Variants in SPSB4 observed in about 807,000 individuals in gnomAD.
SPSB4 encodes SPRY domain-containing SOCS box protein 4.
In SPSB4, 21 loss-of-function variants were observed where a neutral mutation model predicts 20.9. That is an observed-to-expected ratio of 1.01 (90% CI 0.71 to 1.45). The LOEUF is 1.45. SPSB4 is among the 40% of genes most tolerant of loss of function. The pLI, the probability that SPSB4 is intolerant of heterozygous loss-of-function variation, is 0.00. For synonymous variants in SPSB4, 207 were observed against 183.8 expected (o/e 1.13, Z -1.02); for missense variants, 399 against 399.2 (o/e 1.00, Z 0.00).
intron 2 of SPSB4, among the ~76,000 whole-genome samples, chr3:141,094,366 C>T (rs183090752): frequency 8.6e-4 from 131 of 152,328 alleles, no homozygotes; most frequent in African/African-American, 3.1e-3. Context: ...CAGATTTGCA[C>T]TGGCTGCCAT....
chr3:141,104,517 T>G (rs546215308), intron 2 of SPSB4, among the ~76,000 whole-genome samples: 1 of 152,284 alleles, frequency 6.6e-6, no homozygotes, highest in East Asian at 1.9e-4. Context: ...GCATGGCAGA[T>G]GGCTGGGGTT....
At chr3:141,121,992 A>C (rs1328311305) in intron 2 of SPSB4, among the ~76,000 whole-genome samples, 1 of 152,048 alleles carries the variant, frequency 6.6e-6, no homozygotes, top group Non-Finnish European at 1.5e-5. Context: ...AGGAGAAGAG[A>C]CGCTCTGGTT....
intron 2 of SPSB4, among the ~76,000 whole-genome samples, chr3:141,131,873 G>A (rs1462640109): frequency 6.6e-6 from 1 of 152,186 alleles, no homozygotes; most frequent in Non-Finnish European, 1.5e-5. Flanking sequence ...TTTAGTCAAT[G>A]TGGCTAGTTT....
chr3:141,086,731 AAGTT>A (rs1938349454), intron 2 of SPSB4, among the ~76,000 whole-genome samples: 1 of 152,228 alleles, frequency 6.6e-6, no homozygotes, highest in Non-Finnish European at 1.5e-5. Context: ...CATACGCAAT[AAGTT>A]AGAACTATGG....
At chr3:141,118,264 A>G (rs1938911715) in intron 2 of SPSB4, among the ~76,000 whole-genome samples, 1 of 152,112 alleles carries the variant, frequency 6.6e-6, no homozygotes, top group Non-Finnish European at 1.5e-5. Context: ...GCATTTTTTC[A>G]TATGTCTGTT....
At chr3:141,128,864 A>C (rs1230616944) in intron 2 of SPSB4, among the ~76,000 whole-genome samples, 1 of 152,100 alleles carries the variant, frequency 6.6e-6, no homozygotes, top group Non-Finnish European at 1.5e-5. Flanking sequence ...ACCTTCCTTC[A>C]CTTCAGGGTG....
chr3:141,059,608 C>T (rs908944556), intron 1 of SPSB4, among the ~76,000 whole-genome samples: 3 of 152,134 alleles, frequency 2.0e-5, no homozygotes, highest in Non-Finnish European at 4.4e-5. Context: ...ATGACCCAGA[C>T]AGCTCCCACC....
intron 1 of SPSB4, among the ~76,000 whole-genome samples, chr3:141,053,081 C>A (rs889064862): frequency 1.3e-5 from 2 of 152,148 alleles, no homozygotes; most frequent in African/African-American, 4.8e-5. Flanking sequence ...TGACCTTGGG[C>A]AAGTTCTCTA....
At chr3:141,085,641 T>C (rs1938324848) in intron 2 of SPSB4, among the ~76,000 whole-genome samples, 1 of 152,270 alleles carries the variant, frequency 6.6e-6, no homozygotes, top group Admixed American at 6.5e-5. Flanking sequence ...AGCTGAGAGA[T>C]ACAGTTCTGA....
chr3:141,115,655 A>G (rs1938869839), intron 2 of SPSB4, among the ~76,000 whole-genome samples: 1 of 152,220 alleles, frequency 6.6e-6, no homozygotes, highest in South Asian at 2.1e-4. Flanking sequence ...ACAAAAAATC[A>G]TTTGCCTTGA....
chr3:141,106,788 G>A (rs980128437), intron 2 of SPSB4, among the ~76,000 whole-genome samples: 3 of 152,090 alleles, frequency 2.0e-5, no homozygotes, highest in African/African-American at 7.2e-5. Flanking sequence ...GGTGTCTTAT[G>A]GGGCTTTAGG....
chr3:141,100,535 A>C (rs1458917247), intron 2 of SPSB4, among the ~76,000 whole-genome samples: 1 of 152,128 alleles, frequency 6.6e-6, no homozygotes, highest in Non-Finnish European at 1.5e-5. Context: ...GAAGAAACCA[A>C]CCCTGTAGAC....
chr3:141,072,733 G>C (rs1350369937), intron 2 of SPSB4, among the ~76,000 whole-genome samples: 2 of 152,210 alleles, frequency 1.3e-5, no homozygotes, highest in East Asian at 3.8e-4. Flanking sequence ...ACTCTTGAAA[G>C]GAAAGCTGTG....
At chr3:141,058,254 G>A (rs1012085677) in intron 1 of SPSB4, among the ~76,000 whole-genome samples, 9 of 152,190 alleles carry the variant, frequency 5.9e-5, no homozygotes, top group African/African-American at 2.2e-4. Context: ...TAAACAGTGT[G>A]GCATTGCCAC....
At chr3:141,108,273 C>A (rs1011199499) in intron 2 of SPSB4, among the ~76,000 whole-genome samples, 2 of 152,170 alleles carry the variant, frequency 1.3e-5, no homozygotes, top group African/African-American at 4.8e-5. Flanking sequence ...GACACCTTTG[C>A]TATGAATAAC....
chr3:141,072,021 T>C (rs1426963), intron 2 of SPSB4, among the ~76,000 whole-genome samples: 47,925 of 152,022 alleles, frequency 0.32, 11,441 homozygotes, highest in African/African-American at 0.67. Context: ...TCTCCCGGGG[T>C]AGTGAGGTCC....
chr3:141,111,530 T>A (rs374441431), intron 2 of SPSB4, among the ~76,000 whole-genome samples: 1 of 151,978 alleles, frequency 6.6e-6, no homozygotes, highest in African/African-American at 2.4e-5. Context: ...ATTGAACTGT[T>A]GAGGCAGGAA....
chr3:141,083,360 C>T (rs577954022), intron 2 of SPSB4, among the ~76,000 whole-genome samples: 1 of 152,170 alleles, frequency 6.6e-6, no homozygotes, highest in East Asian at 1.9e-4. Flanking sequence ...GCCACCCCCC[C>T]ACCCTCTGTA....
chr3:141,107,954 TAAAA>T (rs575805754), intron 2 of SPSB4, among the ~76,000 whole-genome samples: 7 of 144,796 alleles, frequency 4.8e-5, no homozygotes, highest in Non-Finnish European at 6.1e-5. Context: ...GACTCTGTCT[TAAAA>T]AAAAAAATAA....
Sources: gnomAD v4.1 joint callset for allele counts (sites outside exome capture counted in the v4.1 genomes callset) on GRCh38, gnomAD v4.1.1 for gene constraint, MANE v1.5 for transcripts, NCBI Gene and HGNC (gene_info 2026-07-23, HGNC 2026-07-21) for gene names.